Variants in PCDH15 observed in about 807,000 individuals in gnomAD.
PCDH15 encodes protocadherin related 15, also known as protocadherin-15.
Under a neutral mutation model 178.5 loss-of-function variants are expected in PCDH15, and 129 were observed. The observed-to-expected ratio is 0.72, with a 90% CI of 0.63 to 0.84. The LOEUF is 0.84. Ranked by LOEUF, PCDH15 falls within the 40% of genes least tolerant of loss-of-function variation. PCDH15 has a pLI of 0.00. For synonymous variants in PCDH15, 800 were observed against 732.0 expected (o/e 1.09, Z -1.50); for missense variants, 2,230 against 2,099.9 (o/e 1.06, Z -1.21).
intron 2 of PCDH15, among the ~76,000 whole-genome samples, chr10:55,125,461 A>C (rs1240432781): frequency 1.3e-5 from 2 of 152,012 alleles, no homozygotes; most frequent in Non-Finnish European, 2.9e-5. Context: ...AAGTCTTCTC[A>C]TTTTACAAGT....
chr10:54,513,640 A>G (rs1327048282), intron 3 of PCDH15, among the ~76,000 whole-genome samples: 1 of 152,186 alleles, frequency 6.6e-6, no homozygotes, highest in African/African-American at 2.4e-5. Flanking sequence ...TGCAAGGTGA[A>G]TTTTGATTAA....
intron 13 of PCDH15, among the ~76,000 whole-genome samples, chr10:54,174,045 G>A (rs191498478): frequency 3.0e-4 from 45 of 152,284 alleles, no homozygotes; most frequent in African/African-American, 1.1e-3. Flanking sequence ...CAGTAATACA[G>A]GATATCGATT....
chr10:55,313,947 A>G (rs1843657325), intron 1 of PCDH15, among the ~76,000 whole-genome samples: 2 of 152,168 alleles, frequency 1.3e-5, no homozygotes, highest in East Asian at 3.9e-4. Flanking sequence ...AGGAAGAGAG[A>G]AAAGCAGAAT....
intron 2 of PCDH15, among the ~76,000 whole-genome samples, chr10:55,018,660 A>C (rs1840246162): frequency 6.6e-6 from 1 of 152,136 alleles, no homozygotes; most frequent in African/African-American, 2.4e-5. Context: ...CACTATTTGA[A>C]GAAACTTTTT....
chr10:54,520,911 G>A (rs1237468376), intron 3 of PCDH15, among the ~76,000 whole-genome samples: 2 of 151,886 alleles, frequency 1.3e-5, no homozygotes, highest in Non-Finnish European at 2.9e-5. Flanking sequence ...CATGTCCTTT[G>A]TAGGGACACG....
At chr10:55,117,126 A>C (rs1837646012) in intron 2 of PCDH15, among the ~76,000 whole-genome samples, 1 of 152,140 alleles carries the variant, frequency 6.6e-6, no homozygotes, top group African/African-American at 2.4e-5. Flanking sequence ...CACTAAATAC[A>C]TTTGTTATGC....
intron 3 of PCDH15, among the ~76,000 whole-genome samples, chr10:54,418,653 A>C (rs1182213795): frequency 6.6e-6 from 1 of 151,898 alleles, no homozygotes; most frequent in Non-Finnish European, 1.5e-5. Context: ...TAGTCAAAAA[A>C]TCTAACTGTA....
intron 1 of PCDH15, among the ~76,000 whole-genome samples, chr10:55,307,240 C>T (rs1026666066): frequency 6.6e-6 from 1 of 151,988 alleles, no homozygotes; most frequent in Non-Finnish European, 1.5e-5. Context: ...TGGTAGCTCA[C>T]GTCTGTAATC....
rs1554814221 is a variant in PCDH15 at position 53,805,619 on chromosome 10, A to ATATT, written c.*956_*959dup. Reference sequence around the variant, plus strand: ...AATTCATAGCCTTTATAAGCTTTATATATTATATACATTTCAACCCTGCCA... The same window carrying ATATT: ...AATTCATAGCCTTTATAAGCTTTATATATTTATTATATACATTTCAACCCTGCCA... On this transcript the variant is annotated 3_prime_UTR_variant, in exon 38 of 38. Coordinates refer to ENST00000644397, the MANE Select transcript of PCDH15 (RefSeq NM_001384140.1). 4.6e-5 allele frequency: 7 copies of ATATT among 152,068 alleles called. No individual in the cohort carries two copies. The highest frequency in any genetic ancestry group is 1.7e-4 in the African/African-American group (7 of 41,434). The allele number at this position is 152,068 out of a possible 1,614,324, so 9.4% of individuals were successfully genotyped here.
chr10:54,382,806 A>T (rs755293017), intron 3 of PCDH15, among the ~76,000 whole-genome samples: 4 of 152,056 alleles, frequency 2.6e-5, no homozygotes, highest in Non-Finnish European at 5.9e-5. Flanking sequence ...CTGTGTCTGG[A>T]CTCCTGACTC....
chr10:55,499,702 G>T (rs961283631), intron 2 of PCDH15, among the ~76,000 whole-genome samples: 1 of 151,606 alleles, frequency 6.6e-6, no homozygotes, highest in Non-Finnish European at 1.5e-5. Flanking sequence ...CATGTAATTT[G>T]TATGTCTGTT....
intron 26 of PCDH15, among the ~76,000 whole-genome samples, chr10:53,872,876 T>A (rs977840635): frequency 2.6e-5 from 4 of 152,176 alleles, no homozygotes; most frequent in African/African-American, 9.7e-5. Flanking sequence ...AGTACCTATA[T>A]CTGTACTTAC....
At chr10:54,163,399 G>C (rs1554820777) in intron 13 of PCDH15, among the ~76,000 whole-genome samples, 1 of 143,686 alleles carries the variant, frequency 7.0e-6, no homozygotes, top group Non-Finnish European at 1.5e-5. Flanking sequence ...TTGTTCACAT[G>C]GCAGCAGGAG....
At chr10:53,897,797 T>C (rs1017793483) in intron 26 of PCDH15, among the ~76,000 whole-genome samples, 7 of 152,090 alleles carry the variant, frequency 4.6e-5, no homozygotes, top group African/African-American at 1.7e-4. Context: ...TATTTGCCCA[T>C]GTCTAGGTTA....
chr10:54,947,056 T>A (rs1688284899), intron 2 of PCDH15, among the ~76,000 whole-genome samples: 1 of 151,922 alleles, frequency 6.6e-6, no homozygotes, highest in African/African-American at 2.4e-5. Flanking sequence ...TAATTTAAAA[T>A]GCATTACAAT....
intron 2 of PCDH15, among the ~76,000 whole-genome samples, chr10:55,089,561 T>C (rs1842262532): frequency 6.6e-6 from 1 of 152,114 alleles, no homozygotes; most frequent in Non-Finnish European, 1.5e-5. Flanking sequence ...TGATTGAGAT[T>C]TTTCACTAAA....
In PCDH15 at chr10:53,827,463, C is replaced by T; in HGVS notation, c.4297G>A (p.Ala1433Thr). ...GGCGGCGGCGGCGGCGGGGGCGCTG[C>T]CACTGGTGCAGGAGCCGGCACTGCT... Reference protein sequence around the residue: ...KPAVPAPAPVAAPPPPPPPPP... With the variant: ...KPAVPAPAPVTAPPPPPPPPP... The change falls in exon 32 of 38, where the codon GCA becomes ACA. Residue 1433 changes from alanine (A) to threonine (T), a missense_variant. Transcript: ENST00000644397. 1 of 1,613,700 alleles carries T rather than the reference C, an allele frequency of 6.2e-7. No individual in the cohort carries two copies. Among genetic ancestry groups the T allele is most frequent in the Non-Finnish European group, 8.5e-7 (1 of 1,179,696 alleles).
At chr10:55,085,913 G>A (rs888895676) in intron 2 of PCDH15, among the ~76,000 whole-genome samples, 4 of 151,524 alleles carry the variant, frequency 2.6e-5, no homozygotes, top group African/African-American at 9.7e-5. Context: ...ATATGTTGAT[G>A]ACTATTTAGT....
chr10:55,043,570 C>T (rs1840921588), intron 2 of PCDH15, among the ~76,000 whole-genome samples: 1 of 151,670 alleles, frequency 6.6e-6, no homozygotes, highest in African/African-American at 2.4e-5. Context: ...AATAACTTGT[C>T]ACAGTGGTGC....
Sources: allele counts gnomAD v4.1 joint callset (sites outside exome capture counted in the v4.1 genomes callset), GRCh38; gene constraint gnomAD v4.1.1; transcripts MANE v1.5; gene names NCBI Gene and HGNC (gene_info 2026-07-23, HGNC 2026-07-21).